FOXP2: variants seen among roughly 807,000 people sequenced by gnomAD.
The protein encoded by FOXP2 is forkhead box P2, also known as forkhead box protein P2.
A neutral mutation model predicts 115.8 loss-of-function variants in FOXP2; 12 were observed. The ratio of observed to expected loss-of-function variants is 0.10; its 90% confidence interval spans 0.07 to 0.17. The LOEUF is 0.17. Ranked by LOEUF, FOXP2 falls within the 10% of genes least tolerant of loss-of-function variation. The pLI, the probability that FOXP2 is intolerant of heterozygous loss-of-function variation, is 1.00. For missense variants in FOXP2, 629 were observed against 843.5 expected (o/e 0.75, Z 3.15); for synonymous variants, 328 against 297.7 (o/e 1.10, Z -1.05).
At chr7:114,316,131 G>T (rs1562867672) in intron 2 of FOXP2, among the ~76,000 whole-genome samples, 1 of 152,088 alleles carries the variant, frequency 6.6e-6, no homozygotes, top group Non-Finnish European at 1.5e-5. Context: ...ACTTCAGCTG[G>T]GTGTGTGCAT....
At chr7:114,323,902 T>A (rs1036050032) in intron 2 of FOXP2, among the ~76,000 whole-genome samples, 4 of 151,976 alleles carry the variant, frequency 2.6e-5, no homozygotes, top group Admixed American at 2.6e-4. Context: ...AACTAGAAGT[T>A]CTGTGTTAGA....
chr7:114,172,004 A>C (rs1487372115), intron 1 of FOXP2, among the ~76,000 whole-genome samples: 1 of 152,160 alleles, frequency 6.6e-6, no homozygotes, highest in Admixed American at 6.5e-5. Flanking sequence ...TTGGAGCCTG[A>C]AGATGTGATG....
chr7:114,666,740 G>C (rs905010057), intron 16 of FOXP2: 14 of 152,178 alleles, frequency 9.2e-5, no homozygotes, highest in South Asian at 2.1e-4. Context: ...ATGCCAGACT[G>C]TCAGGGTTCC....
Position 114,432,848 on chromosome 7 carries a change from G to A in FOXP2, c.168+6169G>A, listed in dbSNP as rs141904641. On this transcript the variant is annotated intron_variant, in intron 2 of 16. Transcript: ENST00000350908. ...ATATGACTGACAGTGTAGTTGATGT[G>A]CGTTGTCTTCCCTAGACAAAACAGA... 3.3e-5 allele frequency among the ~76,000 whole-genome samples: 5 copies of A among 152,026 alleles called. No individual in the cohort carries two copies. The East Asian group carries it at 9.7e-4, about 29-fold the overall frequency.
At chr7:114,500,566 A>C (rs1797524971) in intron 2 of FOXP2, among the ~76,000 whole-genome samples, 1 of 152,180 alleles carries the variant, frequency 6.6e-6, no homozygotes, top group Non-Finnish European at 1.5e-5. Context: ...TCTTTCTTTT[A>C]AGAAATATCA....
At chr7:114,508,579 G>A (rs1443477714) in intron 2 of FOXP2, among the ~76,000 whole-genome samples, 1 of 151,942 alleles carries the variant, frequency 6.6e-6, no homozygotes, top group Non-Finnish European at 1.5e-5. Flanking sequence ...AAGGAGAAGA[G>A]GAGCAGGAAA....
At chr7:114,316,845 T>C (rs541309195) in intron 2 of FOXP2, among the ~76,000 whole-genome samples, 1 of 152,106 alleles carries the variant, frequency 6.6e-6, no homozygotes, top group Non-Finnish European at 1.5e-5. Context: ...ATTTTTTTTT[T>C]AAATTCTTTC....
chr7:114,132,582 T>TGTGTGA (rs1554419465), intron 1 of FOXP2, among the ~76,000 whole-genome samples: 121 of 55,988 alleles, frequency 2.2e-3, no homozygotes, highest in African/African-American at 8.3e-3. Context: ...TGTGTGTGTG[T>TGTGTGA]GAGAGAGAGA....
intron 10 of FOXP2, among the ~76,000 whole-genome samples, chr7:114,656,166 A>G (rs1386767553): frequency 2.0e-5 from 3 of 152,092 alleles, no homozygotes; most frequent in African/African-American, 7.2e-5. Context: ...ATAACTTTTA[A>G]TGTGTTGGTA....
chr7:114,433,355 T>C (rs1324333390), intron 2 of FOXP2, among the ~76,000 whole-genome samples: 7 of 152,058 alleles, frequency 4.6e-5, no homozygotes, highest in Non-Finnish European at 8.8e-5. Context: ...ATTAAATTCT[T>C]TTACAAATAC....
At chr7:114,261,822 G>A (rs185364657) in intron 1 of FOXP2, among the ~76,000 whole-genome samples, 246 of 152,198 alleles carry the variant, frequency 1.6e-3, no homozygotes, top group Non-Finnish European at 2.9e-3. Flanking sequence ...ACTTTGGGAG[G>A]TCGAGGTGTT....
At chr7:114,368,168 GTTTTA>G (rs1791924148) in intron 2 of FOXP2, among the ~76,000 whole-genome samples, 1 of 152,002 alleles carries the variant, frequency 6.6e-6, no homozygotes, top group Non-Finnish European at 1.5e-5. Flanking sequence ...TTTGAAACCT[GTTTTA>G]TTTACAGAAT....
intron 3 of FOXP2, chr7:114,538,334 C>A: frequency 7.7e-7 from 1 of 1,302,996 alleles, no homozygotes; most frequent in South Asian, 1.2e-5. Context: ...AGCCATGAGA[C>A]AGACTTGTGG....
intron 1 of FOXP2, among the ~76,000 whole-genome samples, chr7:114,274,304 A>C (rs569270543): frequency 6.6e-6 from 1 of 152,256 alleles, no homozygotes; most frequent in African/African-American, 2.4e-5. Flanking sequence ...AGATATGTAC[A>C]TTGAGATTAT....
intron 2 of FOXP2, among the ~76,000 whole-genome samples, chr7:114,489,518 C>T (rs1224106082): frequency 1.3e-5 from 2 of 151,756 alleles, no homozygotes; most frequent in African/African-American, 4.8e-5. Context: ...TCCAGTATTT[C>T]CCATTCTTCT....
intron 3 of FOXP2, among the ~76,000 whole-genome samples, chr7:114,573,898 G>A (rs1255192629): frequency 6.6e-6 from 1 of 151,650 alleles, no homozygotes; most frequent in Non-Finnish European, 1.5e-5. Flanking sequence ...GGGGTCAAAA[G>A]CTCTTCATTA....
At chr7:114,132,676 A>G (rs1468237447) in intron 1 of FOXP2, among the ~76,000 whole-genome samples, 1 of 151,528 alleles carries the variant, frequency 6.6e-6, no homozygotes, top group African/African-American at 2.4e-5. Context: ...AAAAGGTGAT[A>G]CTTGTGCAAA....
rs121908378 is a variant in FOXP2, at chr7:114,642,616, C to T, written c.982C>T (p.Arg328Ter). The T allele has an allele frequency of 6.2e-7, 1 of 1,612,124 alleles. No homozygotes were observed. The highest frequency in any genetic ancestry group is 8.5e-7 in the Non-Finnish European group (1 of 1,178,686). Residue 328 changes from arginine to a stop codon, truncating the protein, a stop_gained, in exon 7 of 17, where the codon CGA (arginine) becomes TGA (stop). Coordinates refer to ENST00000350908, the MANE Select transcript of FOXP2 (RefSeq NM_014491.4). LOFTEE classifies it high-confidence loss of function. ...ACAGTCTTCAGTTCTAAGTGCAAGA[C>T]GAGACAGGTAAATCTCATGAGCTTT... ...NGQSSVLSAR[R>*]DSSSHEETGA...
At chr7:114,192,281 G>A (rs188987630) in intron 1 of FOXP2, among the ~76,000 whole-genome samples, 11 of 152,150 alleles carry the variant, frequency 7.2e-5, no homozygotes, top group Middle Eastern at 3.4e-3. Flanking sequence ...CACTGCGCCC[G>A]GCCTCTCCTT....
Sources: gnomAD v4.1 joint callset for allele counts (sites outside exome capture counted in the v4.1 genomes callset) on GRCh38, gnomAD v4.1.1 for gene constraint, MANE v1.5 for transcripts, NCBI Gene and HGNC (gene_info 2026-07-23, HGNC 2026-07-21) for gene names.